The following PIN4 variants were observed in gnomAD, a reference collection of about 807,000 sequenced individuals.
The protein encoded by PIN4 is peptidyl-prolyl cis-trans isomerase NIMA-interacting 4.
A neutral mutation model predicts 8.3 loss-of-function variants in PIN4; 3 were observed. That is an observed-to-expected ratio of 0.36 (90% CI 0.16 to 0.93). PIN4 has a LOEUF of 0.93. Among genes scored for constraint, PIN4 ranks in the 40% least tolerant of loss-of-function variants. PIN4 has a pLI of 0.44. For synonymous variants in PIN4, 18 were observed against 32.5 expected, an observed-to-expected ratio of 0.55 and a Z score of 1.52; for missense variants, 75 against 100.6, an observed-to-expected ratio of 0.75 and a Z score of 1.09.
chrX:72,181,996 C>T, intron 1 of PIN4, 168 bp downstream of exon 1: 2 of 467,733 alleles, frequency 4.3e-6, no homozygotes, highest in Non-Finnish European at 7.8e-6. Flanking sequence ...GTTCAGGGAC[C>T]GTCCTAGTGG....
intron 3 of PIN4, among the ~76,000 whole-genome samples, chrX:72,242,559 G>A (rs952723686): frequency 5.3e-5 from 6 of 112,632 alleles, no homozygotes; most frequent in Non-Finnish European, 9.4e-5. Context: ...TAAATGGAGA[G>A]AATCAAAGAG....
At chrX:72,235,525 A>C (rs1312679221) in intron 3 of PIN4, among the ~76,000 whole-genome samples, 1 of 108,757 alleles carries the variant, frequency 9.2e-6, no homozygotes, top group African/African-American at 3.4e-5. Flanking sequence ...CCTCCTGGGT[A>C]GCTGGGATTA....
intron 2 of PIN4, among the ~76,000 whole-genome samples, chrX:72,196,545 A>G (rs1159824025): frequency 2.7e-5 from 3 of 110,544 alleles, no homozygotes; most frequent in Non-Finnish European, 5.7e-5. Flanking sequence ...AAAAAAAAAA[A>G]AAGGCGGAGC....
At chrX:72,239,050 A>T (rs978019505) in intron 3 of PIN4, 7 of 586,760 alleles carry the variant, frequency 1.2e-5, no homozygotes, top group African/African-American at 9.0e-5. Context: ...GTGGAGAGGG[A>T]CACAGCCAAC....
chrX:72,258,176 C>T (rs1469855144), intron 3 of PIN4, among the ~76,000 whole-genome samples: 1 of 111,799 alleles, frequency 8.9e-6, no homozygotes, highest in Non-Finnish European at 1.9e-5. Context: ...AGGAAAGGAA[C>T]CCCAACAGAG....
intron 3 of PIN4, 51 bp from the exon 4 acceptor site, chrX:72,197,317 C>T (rs375781205): frequency 1.8e-6 from 2 of 1,116,944 alleles, no homozygotes; most frequent in Non-Finnish European, 2.4e-6. Flanking sequence ...TACAGTAGAA[C>T]TGTTCCCTCT....
At chrX:72,190,320 C>T (rs763756959) in intron 2 of PIN4, among the ~76,000 whole-genome samples, 5 of 111,441 alleles carry the variant, frequency 4.5e-5, no homozygotes, top group Admixed American at 9.6e-5. Context: ...GAGAAGAATT[C>T]GAGTGGTTCT....
At chrX:72,193,623 A>T (rs1320375746) in intron 2 of PIN4, among the ~76,000 whole-genome samples, 2 of 111,818 alleles carry the variant, frequency 1.8e-5, no homozygotes, top group African/African-American at 6.5e-5. Flanking sequence ...TAATCCCAAC[A>T]TTTTTGGGAG....
At chrX:72,208,627 G>A in intron 3 of PIN4, 1 of 1,210,775 alleles carries the variant, frequency 8.3e-7, no homozygotes, top group Non-Finnish European at 1.1e-6. Flanking sequence ...AATGTCCTTT[G>A]CCAAATTGAA....
chrX:72,225,619 G>A (rs60223007), intron 3 of PIN4, among the ~76,000 whole-genome samples: 13,341 of 111,333 alleles, frequency 0.12, 1,043 homozygotes, highest in East Asian at 0.48. Context: ...GGATTAGTGG[G>A]ATATTTCTGA....
rs1232047636 is a variant in PIN4 at position 72,197,359 on chromosome X, G to A, written c.238-9G>A. ...CCACTTGATATCACTTATCTTTTGG[G>A]TTTTTCAGGGTGACTTGGGTTGGAT... On this transcript the variant is annotated splice_polypyrimidine_tract_variant and intron_variant, in intron 3 of 3. Coordinates refer to ENST00000373669, the MANE Select transcript of PIN4 (RefSeq NM_006223.4). The A allele has an allele frequency of 5.0e-6, 6 of 1,195,670 alleles. No homozygotes were observed. The highest frequency in any genetic ancestry group is 6.8e-6 in the Non-Finnish European group (6 of 886,554).
At chrX:72,203,022 G>C (rs2042796467), downstream of PIN4, among the ~76,000 whole-genome samples, 3 of 111,646 alleles carry the variant, frequency 2.7e-5, no homozygotes, top group South Asian at 7.5e-4. Flanking sequence ...GGCATGATTA[G>C]AGGGAACGTT....
chrX:72,183,820 G>A (rs1156254185), intron 1 of PIN4, among the ~76,000 whole-genome samples: 1 of 111,647 alleles, frequency 9.0e-6, no homozygotes, highest in Non-Finnish European at 1.9e-5. Flanking sequence ...GTACAGAAGA[G>A]TGAGATTTAG....
chrX:72,248,895 GA>G (rs1166606188), intron 3 of PIN4, among the ~76,000 whole-genome samples: 19 of 100,521 alleles, frequency 1.9e-4, no homozygotes, highest in African/African-American at 3.2e-4. Context: ...AAAAGAAAAA[GA>G]AAAAAAAAAA....
At chrX:72,248,906 A>G (rs1260416651) in intron 3 of PIN4, among the ~76,000 whole-genome samples, 2 of 110,944 alleles carry the variant, frequency 1.8e-5, no homozygotes, top group African/African-American at 6.6e-5. Flanking sequence ...AAAAAAAAAA[A>G]CCAATCCTCA....
At chrX:72,205,610 A>G (rs1326183987) in intron 3 of PIN4, 12 of 1,211,676 alleles carry the variant, frequency 9.9e-6, no homozygotes, top group Non-Finnish European at 1.3e-5. Context: ...ACAGATGAGA[A>G]TTGAAAGAGA....
intron 3 of PIN4, chrX:72,238,759 GGGT>G: frequency 3.3e-6 from 3 of 912,291 alleles, no homozygotes; most frequent in Non-Finnish European, 4.6e-6. Flanking sequence ...TCAACAGTTC[GGGT>G]CCCCAGGAGG....
chrX:72,217,822 A>C (rs1340737762), intron 3 of PIN4, among the ~76,000 whole-genome samples: 1 of 111,990 alleles, frequency 8.9e-6, no homozygotes, highest in Non-Finnish European at 1.9e-5. Context: ...CTGTTCCAGG[A>C]AAGAACAGTG....
chrX:72,263,888 T>G (rs1160342900), exon 4 of PIN4: 2 of 111,817 alleles, frequency 1.8e-5, no homozygotes. Context: ...TTCTCAGCAT[T>G]CATTAAAAAT....
Sources: allele counts gnomAD v4.1 joint callset (sites outside exome capture counted in the v4.1 genomes callset), GRCh38; gene constraint gnomAD v4.1.1; transcripts MANE v1.5; gene names NCBI Gene and HGNC (gene_info 2026-07-23, HGNC 2026-07-21).